The following RPTOR variants were observed in gnomAD, a reference collection of about 807,000 sequenced individuals.
The protein encoded by RPTOR is regulatory-associated protein of mTOR.
RPTOR carries 21 observed loss-of-function variants against 169.9 expected under a neutral mutation model. The observed-to-expected ratio is 0.12, with a 90% CI of 0.09 to 0.18. The LOEUF is 0.18. Among genes scored for constraint, RPTOR ranks in the 10% least tolerant of loss-of-function variants. The pLI, the probability that RPTOR is intolerant of heterozygous loss-of-function variation, is 1.00. For missense variants in RPTOR, 1,133 were observed against 1,855.9 expected, an observed-to-expected ratio of 0.61 and a Z score of 7.16; for synonymous variants, 732 against 753.2, an observed-to-expected ratio of 0.97 and a Z score of 0.46.
At chr17:80,825,113 C>T (rs2067425401) in intron 9 of RPTOR, among the ~76,000 whole-genome samples, 1 of 149,576 alleles carries the variant, frequency 6.7e-6, no homozygotes, top group Non-Finnish European at 1.5e-5. Context: ...CGTGGGGCAG[C>T]CACATCCCAC....
At chr17:80,631,545 G>A (rs540292289) in intron 2 of RPTOR, among the ~76,000 whole-genome samples, 240 of 152,272 alleles carry the variant, frequency 1.6e-3, no homozygotes, top group South Asian at 0.011. Flanking sequence ...TGTGGGATTC[G>A]GTTTGTCTGC....
At chr17:80,705,329 G>A (rs1032440977) in intron 3 of RPTOR, among the ~76,000 whole-genome samples, 5 of 152,328 alleles carry the variant, frequency 3.3e-5, no homozygotes, top group East Asian at 3.9e-4. Context: ...CTCTAACCCC[G>A]CCTCAGACCA....
At chr17:80,599,432 A>G (rs993917316) in intron 1 of RPTOR, among the ~76,000 whole-genome samples, 4 of 152,236 alleles carry the variant, frequency 2.6e-5, no homozygotes, top group Non-Finnish European at 5.9e-5. Flanking sequence ...GTTAAGCAGC[A>G]GTGGATAACT....
chr17:80,841,377 TCACCGCACGGCAGCTCA>T (rs1179188017), intron 10 of RPTOR, among the ~76,000 whole-genome samples: 6 of 113,746 alleles, frequency 5.3e-5, no homozygotes, highest in Admixed American at 1.8e-4. Context: ...CAGCTCACAC[TCACCGCACGGCAGCTCA>T]CACCGCACGG....
At chr17:80,634,405 TGTGTGTGTGCATACC>T in intron 2 of RPTOR, among the ~76,000 whole-genome samples, 2 of 120,530 alleles carry the variant, frequency 1.7e-5, no homozygotes, top group African/African-American at 3.2e-5. Flanking sequence ...GTGCATACCG[TGTGTGTGTGCATACC>T]GTGTGTGTGT....
intron 20 of RPTOR, among the ~76,000 whole-genome samples, chr17:80,897,119 G>T (rs2068416279): frequency 6.6e-6 from 1 of 151,662 alleles, no homozygotes; most frequent in Non-Finnish European, 1.5e-5. Flanking sequence ...AAATTAGCCA[G>T]GTGTGGTGGT....
At chr17:80,888,229 C>G (rs1855762691) in intron 17 of RPTOR, among the ~76,000 whole-genome samples, 1 of 152,254 alleles carries the variant, frequency 6.6e-6, no homozygotes, top group African/African-American at 2.4e-5. Flanking sequence ...ATCCTCCCAC[C>G]TCAGCCTCCT....
chr17:80,744,853 C>CTAGCACAGCCCTGGT (rs2066551540), intron 5 of RPTOR, among the ~76,000 whole-genome samples: 1 of 37,638 alleles, frequency 2.7e-5, no homozygotes, highest in Admixed American at 2.1e-4. Flanking sequence ...ACTGTCCTGG[C>CTAGCACAGCCCTGGT]TACTAGCACT....
rs1338824142 is a variant in RPTOR at position 80,562,550 on chromosome 17, G to A, written c.162+16759G>A. On this transcript the variant is annotated intron_variant, in intron 1 of 33. Transcript: ENST00000306801. The surrounding 1 kb of genome is among the most constrained non-coding windows in gnomAD (Gnocchi z 4.4). ...TGTAATCCCAGCACTTTGGGAGGCT[G>A]AGGCGGACGGATCACTTGAAGTCAG... Among the ~76,000 whole-genome samples, 1 of 152,234 alleles carries A rather than the reference G, an allele frequency of 6.6e-6. No individual in the cohort carries two copies. The highest frequency in any genetic ancestry group is 1.5e-5 in the Non-Finnish European group (1 of 68,046).
chr17:80,897,506 C>T (rs1418481960), intron 20 of RPTOR, among the ~76,000 whole-genome samples: 1 of 152,156 alleles, frequency 6.6e-6, no homozygotes, highest in African/African-American at 2.4e-5. Flanking sequence ...CTCAGAATGA[C>T]CCTGTGCATG....
chr17:80,876,799 A>G (rs113716476), intron 13 of RPTOR, among the ~76,000 whole-genome samples: 2,326 of 101,404 alleles, frequency 0.023, 71 homozygotes, highest in Admixed American at 0.04. Flanking sequence ...AGCCCGTGCC[A>G]CACAGGGTGT....
At chr17:80,927,882 A>T (rs553542911) in intron 24 of RPTOR, among the ~76,000 whole-genome samples, 35 of 151,812 alleles carry the variant, frequency 2.3e-4, no homozygotes, top group East Asian at 9.7e-4. Flanking sequence ...CGCACGGAGG[A>T]GCTGGAGGGT....
intron 1 of RPTOR, among the ~76,000 whole-genome samples, chr17:80,588,166 CTTT>C (rs71163973): frequency 2.9e-5 from 4 of 138,560 alleles, no homozygotes. Context: ...TTTATCCATT[CTTT>C]TTTTTTTTTT....
chr17:80,907,964 G>A (rs1269804322), intron 20 of RPTOR, among the ~76,000 whole-genome samples: 5 of 152,172 alleles, frequency 3.3e-5, no homozygotes, highest in Non-Finnish European at 5.9e-5. Context: ...TGTCGTGGAC[G>A]TAGCATGGCT....
chr17:80,558,277 G>A (rs1370566886), intron 1 of RPTOR, among the ~76,000 whole-genome samples: 2 of 152,268 alleles, frequency 1.3e-5, no homozygotes, highest in East Asian at 3.9e-4. Flanking sequence ...CTCCAGACTG[G>A]GTGACAGAGC....
chr17:80,873,632 G>A (rs2068074889), intron 13 of RPTOR, among the ~76,000 whole-genome samples: 1 of 152,232 alleles, frequency 6.6e-6, no homozygotes. Flanking sequence ...GGCCCAGCAG[G>A]CAGAGGGAGC....
At chr17:80,596,399 T>C (rs2065145072) in intron 1 of RPTOR, among the ~76,000 whole-genome samples, 1 of 152,224 alleles carries the variant, frequency 6.6e-6, no homozygotes, top group African/African-American at 2.4e-5. Context: ...GTTCAAAGGA[T>C]AGTGGGCACT....
intron 4 of RPTOR, among the ~76,000 whole-genome samples, chr17:80,714,753 T>C (rs528522371): frequency 2.6e-5 from 4 of 152,270 alleles, no homozygotes; most frequent in African/African-American, 9.6e-5. Context: ...ACGGAGTCTC[T>C]CGCTCTGTCG....
In RPTOR at chr17:80,878,628, G is replaced by A. The variant is rs2068149716; in HGVS notation, c.1510-1787G>A. ...CCCAAAGTGCTGGGATTATAGGCAT[G>A]AGCCACCACGCCCAGCTGAGCACAG... is the stretch of plus-strand genomic sequence containing the variant. On this transcript the variant is annotated intron_variant, in intron 13 of 33. Coordinates refer to ENST00000306801, the MANE Select transcript of RPTOR (RefSeq NM_020761.3). This position sits in a 1 kb window ranked among gnomAD's most constrained non-coding sequence, Gnocchi z 4.1. Among the ~76,000 whole-genome samples the A allele has an allele frequency of 6.6e-6, 1 of 152,140 alleles. No individual in the cohort carries two copies. Among genetic ancestry groups the A allele is most frequent in the African/African-American group, 2.4e-5 (1 of 41,416 alleles).
Sources: gnomAD v4.1 joint callset for allele counts (sites outside exome capture counted in the v4.1 genomes callset) on GRCh38, gnomAD v4.1.1 for gene constraint, Gnocchi (gnomAD v3.1) non-coding constraint, MANE v1.5 for transcripts, NCBI Gene and HGNC (gene_info 2026-07-23, HGNC 2026-07-21) for gene names.